The following DISC1 variants were observed in gnomAD, a reference collection of about 807,000 sequenced individuals.
DISC1 encodes the protein DISC1 scaffold protein, also known as disrupted in schizophrenia 1 protein.
Under a neutral mutation model 84.5 loss-of-function variants are expected in DISC1, and 57 were observed. That is an observed-to-expected ratio of 0.67 (90% confidence interval 0.55 to 0.84). The LOEUF (loss-of-function observed/expected upper bound fraction) is 0.84. Ranked by LOEUF, DISC1 falls within the 40% of genes least tolerant of loss-of-function variation. DISC1 has a pLI of 0.00. For missense variants in DISC1, 1,000 were observed against 1,057.8 expected, an observed-to-expected ratio of 0.95 and a Z score of 0.76; for synonymous variants, 411 against 415.2, an observed-to-expected ratio of 0.99 and a Z score of 0.12.
chr1:231,664,589 T>C lies in DISC1; in HGVS notation c.68-29237T>C, dbSNP rs2061848362. On this transcript the variant is annotated intron_variant, in intron 1 of 12. Coordinates refer to ENST00000439617, the MANE Select transcript of DISC1 (RefSeq NM_018662.3). ...AAGTCAGAGAGAGATTTGAAGATGC[T>C]CAACTGCTTTTGAAGATGGAGAAAG... Among the ~76,000 whole-genome samples the C allele has an allele frequency of 3.3e-5, 5 of 152,274 alleles. No individual in the cohort carries two copies. The South Asian group carries it at 1.0e-3, about 32-fold the overall frequency.
chr1:231,869,110 C>T (rs1211795044), intron 9 of DISC1, among the ~76,000 whole-genome samples: 3 of 151,990 alleles, frequency 2.0e-5, no homozygotes, highest in African/African-American at 7.3e-5. Context: ...TAGTCTGGGA[C>T]ACAGACTACA....
At chr1:231,911,198 G>A (rs2089168062) in intron 9 of DISC1, among the ~76,000 whole-genome samples, 1 of 152,170 alleles carries the variant, frequency 6.6e-6, no homozygotes, top group South Asian at 2.1e-4. Context: ...ATTGTTATAT[G>A]TCAATTTGAT....
intron 9 of DISC1, among the ~76,000 whole-genome samples, chr1:231,886,766 C>CCTTTCTTCCTTT (rs2086726056): frequency 4.7e-5 from 4 of 84,378 alleles, no homozygotes; most frequent in Admixed American, 1.2e-4. Flanking sequence ...TTCCTTCCTT[C>CCTTTCTTCCTTT]CTTTCTTTCT....
At chr1:231,999,988 C>T (rs1012435954) in intron 10 of DISC1, among the ~76,000 whole-genome samples, 4 of 152,098 alleles carry the variant, frequency 2.6e-5, no homozygotes, top group Non-Finnish European at 5.9e-5. Context: ...AACAGAATTC[C>T]CTCATAAAAT....
At position 231,999,084 on chromosome 1, in the gene DISC1, A is replaced by G. The variant is rs78809851; in HGVS notation, c.2043-9701A>G. 9.8e-3 allele frequency among the ~76,000 whole-genome samples: 1,493 copies of G among 152,294 alleles called. 27 individuals are homozygous for G. The highest frequency in any genetic ancestry group is 0.034 in the African/African-American group (1,410 of 41,566). ...AATATAATGTATAATTTTTAGACCA[A>G]TAGAAGAAGATTTGATCCACCCAAT... On this transcript the variant is annotated intron_variant, in intron 10 of 12. Transcript: ENST00000439617.
chr1:231,672,956 G>A (rs991559380), intron 1 of DISC1, among the ~76,000 whole-genome samples: 1 of 152,154 alleles, frequency 6.6e-6, no homozygotes, highest in Non-Finnish European at 1.5e-5. Context: ...TCACACTCAT[G>A]CCTAACTAGT....
chr1:231,954,757 G>A lies in DISC1; in HGVS notation c.1982-4071G>A, dbSNP rs1273497639. On this transcript the variant is annotated intron_variant, in intron 9 of 12. Coordinates refer to ENST00000439617, the MANE Select transcript of DISC1 (RefSeq NM_018662.3). This position sits in a 1 kb window ranked among gnomAD's most constrained non-coding sequence, Gnocchi z 4.8. ...TCTATTCTCCGTCAGCGTGTCTGTG[G>A]CTGTATTGATTCGGAAGTTTAAAAT... 6.6e-6 allele frequency among the ~76,000 whole-genome samples: 1 copy of A among 152,200 alleles called. No individual in the cohort carries two copies. Among genetic ancestry groups the A allele is most frequent in the Non-Finnish European group, 1.5e-5 (1 of 68,044 alleles).
intron 12 of DISC1, among the ~76,000 whole-genome samples, chr1:232,035,303 A>G (rs971615093): frequency 6.6e-6 from 1 of 152,272 alleles, no homozygotes; most frequent in Non-Finnish European, 1.5e-5. Flanking sequence ...TACAAAAATT[A>G]GCATGGTGGC....
chr1:231,692,536 C>T (rs183790908), intron 1 of DISC1, among the ~76,000 whole-genome samples: 9 of 152,366 alleles, frequency 5.9e-5, no homozygotes, highest in Admixed American at 3.3e-4. Flanking sequence ...CTAGTGATCT[C>T]GGCTTAACAG....
intron 3 of DISC1, among the ~76,000 whole-genome samples, chr1:231,719,203 G>A (rs2069241389): frequency 6.6e-6 from 1 of 152,184 alleles, no homozygotes; most frequent in Non-Finnish European, 1.5e-5. Flanking sequence ...TACATATTGT[G>A]TTTTAGCATA....
chr1:231,696,712 T>G (rs1223306145), intron 2 of DISC1, among the ~76,000 whole-genome samples: 2 of 152,264 alleles, frequency 1.3e-5, no homozygotes, highest in Non-Finnish European at 2.9e-5. Context: ...AACAATACCT[T>G]ACCATTGTGT....
At chr1:232,034,918 G>A (rs1386603640) in intron 12 of DISC1, among the ~76,000 whole-genome samples, 3 of 151,590 alleles carry the variant, frequency 2.0e-5, no homozygotes, top group Non-Finnish European at 4.4e-5. Flanking sequence ...AAGAAAGAAA[G>A]GTAAATATTG....
At chr1:231,729,148 A>G (rs931549382) in intron 3 of DISC1, among the ~76,000 whole-genome samples, 3 of 152,194 alleles carry the variant, frequency 2.0e-5, no homozygotes, top group Admixed American at 2.0e-4. Context: ...AGCTTCATCC[A>G]TGTCCCTACA....
intron 3 of DISC1, chr1:231,722,699 C>T (rs777643656): frequency 1.4e-5 from 22 of 1,585,070 alleles, no homozygotes; most frequent in Admixed American, 1.8e-5. Context: ...AGAGGACCCA[C>T]GTGGAAGAAT....
intron 9 of DISC1, among the ~76,000 whole-genome samples, chr1:231,947,072 C>T (rs1002326847): frequency 6.6e-6 from 1 of 152,158 alleles, no homozygotes. Context: ...ATCAAGCTAC[C>T]ACTGACTTTC....
intron 9 of DISC1, among the ~76,000 whole-genome samples, chr1:231,918,311 T>TG (rs1252099230): frequency 3.3e-5 from 5 of 152,248 alleles, no homozygotes; most frequent in Non-Finnish European, 7.3e-5. Flanking sequence ...AGAACCAAGA[T>TG]GATTTGGAAT....
rs894391603 is a variant in DISC1, at chr1:231,748,252, G to T, written c.1118-1674G>T. Among the ~76,000 whole-genome samples, 8 of 152,114 alleles carry T rather than the reference G, an allele frequency of 5.3e-5. 1 individual carries two copies. Among genetic ancestry groups the T allele is most frequent in the African/African-American group, 1.9e-4 (8 of 41,412 alleles). ...TTCTCTCTCTTATCTAATTGCTCTG[G>T]ATAGGACTTCCAGTGCTATGTTGAA... is the stretch of plus-strand genomic sequence containing the variant. On this transcript the variant is annotated intron_variant, in intron 3 of 12. Coordinates refer to ENST00000439617, the MANE Select transcript of DISC1 (RefSeq NM_018662.3).
At chr1:232,021,885 C>A (rs1266110686) in intron 11 of DISC1, among the ~76,000 whole-genome samples, 2 of 152,174 alleles carry the variant, frequency 1.3e-5, no homozygotes, top group Non-Finnish European at 1.5e-5. Flanking sequence ...TCTGAAGGTT[C>A]AGTCCTTCCC....
intron 5 of DISC1, among the ~76,000 whole-genome samples, chr1:231,767,837 T>C (rs2076278868): frequency 6.6e-6 from 1 of 152,246 alleles, no homozygotes; most frequent in Non-Finnish European, 1.5e-5. Context: ...CCAGGCCAAT[T>C]TGCCACTTCT....
Sources: allele counts gnomAD v4.1 joint callset (sites outside exome capture counted in the v4.1 genomes callset), GRCh38; gene constraint gnomAD v4.1.1; non-coding constraint Gnocchi (gnomAD v3.1); transcripts MANE v1.5; gene names NCBI Gene and HGNC (gene_info 2026-07-23, HGNC 2026-07-21).